The following KDM6A variants were observed in gnomAD, a reference collection of about 807,000 sequenced individuals.
The protein encoded by KDM6A is lysine demethylase 6A, also known as lysine-specific demethylase 6A.
A neutral mutation model predicts 117.6 loss-of-function variants in KDM6A; 11 were observed. The observed-to-expected ratio is 0.09, with a 90% CI of 0.06 to 0.15. KDM6A has a LOEUF of 0.15. KDM6A is among the 10% of genes least tolerant of loss of function. KDM6A has a pLI of 1.00. For synonymous variants in KDM6A, 384 were observed against 396.1 expected (o/e 0.97, Z 0.36); for missense variants, 799 against 1,077.3 (o/e 0.74, Z 3.62).
At chrX:45,040,523 G>A (rs1290248260) in intron 8 of KDM6A, among the ~76,000 whole-genome samples, 10 of 66,084 alleles carry the variant, frequency 1.5e-4, no homozygotes, top group Non-Finnish European at 1.5e-4. Context: ...CCTCCCGGAC[G>A]GGGCGGCTGG....
intron 27 of KDM6A, among the ~76,000 whole-genome samples, chrX:45,101,621 T>C (rs1174362411): frequency 9.0e-6 from 1 of 110,979 alleles, no homozygotes; most frequent in African/African-American, 3.3e-5. Flanking sequence ...AGAATTACCA[T>C]ACCAATAGTG....
chrX:44,967,230 G>C (rs1182462127), intron 3 of KDM6A, among the ~76,000 whole-genome samples: 1 of 110,999 alleles, frequency 9.0e-6, no homozygotes, highest in Admixed American at 9.7e-5. Flanking sequence ...ACTAGAATCT[G>C]TCTCTAATAG....
intron 2 of KDM6A, among the ~76,000 whole-genome samples, chrX:44,942,330 G>C (rs1437818170): frequency 9.0e-6 from 1 of 110,558 alleles, no homozygotes; most frequent in African/African-American, 3.3e-5. Context: ...ACCATGCCTG[G>C]CTTTTCTGTT....
intron 26 of KDM6A, among the ~76,000 whole-genome samples, chrX:45,090,407 T>C (rs2045844218): frequency 8.9e-6 from 1 of 111,798 alleles, no homozygotes; most frequent in Non-Finnish European, 1.9e-5. Flanking sequence ...TTGGGCAAGT[T>C]ATTTAACCTC....
At chrX:44,980,375 G>A (rs1602427475) in intron 4 of KDM6A, among the ~76,000 whole-genome samples, 1 of 110,965 alleles carries the variant, frequency 9.0e-6, no homozygotes, top group African/African-American at 3.3e-5. Flanking sequence ...GTGCAGAAAC[G>A]GTATAATTCA....
At chrX:44,915,200 T>A (rs769670865) in intron 2 of KDM6A, among the ~76,000 whole-genome samples, 84 of 112,375 alleles carry the variant, frequency 7.5e-4, no homozygotes, top group African/African-American at 2.5e-3. Flanking sequence ...TAACCTTTTT[T>A]AATGTTGCTG....
At chrX:44,888,195 C>T (rs186505792) in intron 2 of KDM6A, among the ~76,000 whole-genome samples, 4,214 of 110,647 alleles carry the variant, frequency 0.038, 223 homozygotes, top group African/African-American at 0.13. Flanking sequence ...ATCCCAGCTA[C>T]TCGGGAGGCT....
intron 3 of KDM6A, among the ~76,000 whole-genome samples, chrX:44,967,839 A>G (rs2039110183): frequency 8.9e-6 from 1 of 112,561 alleles, no homozygotes; most frequent in African/African-American, 3.2e-5. Flanking sequence ...AGGCTTTGTA[A>G]AATATTTTCT....
intron 2 of KDM6A, among the ~76,000 whole-genome samples, chrX:44,910,029 T>G (rs1409855854): frequency 8.9e-6 from 1 of 112,101 alleles, no homozygotes; most frequent in African/African-American, 3.2e-5. Flanking sequence ...AATGGTTCAG[T>G]TGTGTTTTCT....
chrX:45,073,322 A>G (rs928703000), intron 18 of KDM6A, among the ~76,000 whole-genome samples: 5 of 111,565 alleles, frequency 4.5e-5, no homozygotes, highest in African/African-American at 1.3e-4. Flanking sequence ...GAATAGTGCC[A>G]CAATAAACAT....
chrX:44,998,321 T>G (rs2147467628), intron 4 of KDM6A, among the ~76,000 whole-genome samples: 1 of 111,769 alleles, frequency 8.9e-6, no homozygotes, highest in South Asian at 3.7e-4. Context: ...GGTTTATTGG[T>G]GGAGAAGAGG....
At chrX:44,944,341 A>AAC (rs778746048) in intron 2 of KDM6A, among the ~76,000 whole-genome samples, 1 of 111,394 alleles carries the variant, frequency 9.0e-6, no homozygotes, top group African/African-American at 3.3e-5. Flanking sequence ...AACAGAGTGA[A>AAC]ACTCTGTTAG....
At chrX:45,007,133 G>A (rs1421817371) in intron 4 of KDM6A, among the ~76,000 whole-genome samples, 2 of 111,642 alleles carry the variant, frequency 1.8e-5, no homozygotes, top group Non-Finnish European at 3.8e-5. Flanking sequence ...CATTTTGCTT[G>A]TTGACTTTCC....
chrX:45,017,507 C>T (rs1188253786), intron 5 of KDM6A, among the ~76,000 whole-genome samples: 4 of 106,017 alleles, frequency 3.8e-5, no homozygotes, highest in African/African-American at 7.6e-5. Flanking sequence ...TCTCCCCCTC[C>T]CCCAGTGTTT....
chrX:44,949,745 C>T (rs760334922), intron 2 of KDM6A, among the ~76,000 whole-genome samples: 1 of 111,594 alleles, frequency 9.0e-6, no homozygotes, highest in East Asian at 2.8e-4. Flanking sequence ...ACTTTGCTAC[C>T]AAAGATATTA....
chrX:44,948,396 A>G (rs781370452), intron 2 of KDM6A, among the ~76,000 whole-genome samples: 3 of 111,935 alleles, frequency 2.7e-5, no homozygotes, highest in Non-Finnish European at 5.6e-5. Flanking sequence ...CTGTGTGTGC[A>G]TGGTTAAGTT....
intron 4 of KDM6A, among the ~76,000 whole-genome samples, chrX:44,995,351 A>G (rs1425852024): frequency 9.0e-6 from 1 of 111,723 alleles, no homozygotes; most frequent in Non-Finnish European, 1.9e-5. Context: ...TAATATTTTA[A>G]ATAATTTTGT....
chrX:45,002,461 A>G (rs1403609692), intron 4 of KDM6A, among the ~76,000 whole-genome samples: 5 of 112,392 alleles, frequency 4.4e-5, no homozygotes, highest in Admixed American at 9.4e-5. Flanking sequence ...ATGTTTACAC[A>G]CAGAATTTCC....
rs184445142 is a variant in KDM6A, at chrX:44,999,773, A to G, written c.385-11188A>G. Among the ~76,000 whole-genome samples, 132 of 110,976 alleles carry G rather than the reference A, an allele frequency of 1.2e-3. 1 individual carries two copies. The highest frequency in any genetic ancestry group is 4.1e-3 in the African/African-American group (125 of 30,530). On this transcript the variant is annotated intron_variant, in intron 4 of 29. Transcript: ENST00000611820. Reference sequence around the variant, plus strand: ...GATGCTTCTCTGGATAAGGTGGAGGATAGTTAAGGGAGGTTTGAGTAAGTG... The same window carrying G: ...GATGCTTCTCTGGATAAGGTGGAGGGTAGTTAAGGGAGGTTTGAGTAAGTG...
Sources: gnomAD v4.1 joint callset for allele counts (sites outside exome capture counted in the v4.1 genomes callset) on GRCh38, gnomAD v4.1.1 for gene constraint, MANE v1.5 for transcripts, NCBI Gene and HGNC (gene_info 2026-07-23, HGNC 2026-07-21) for gene names.